Variants in CDC14A observed in about 807,000 individuals in gnomAD.
CDC14A encodes cell division cycle 14A.
CDC14A carries 53 observed loss-of-function variants against 74.4 expected under a neutral mutation model. The ratio of observed to expected loss-of-function variants is 0.71; its 90% confidence interval spans 0.57 to 0.89. The LOEUF is 0.89. Among genes scored for constraint, CDC14A ranks in the 40% least tolerant of loss-of-function variants. CDC14A has a pLI of 0.00. For missense variants in CDC14A, 646 were observed against 713.7 expected (o/e 0.91, Z 1.08); for synonymous variants, 247 against 258.4 (o/e 0.96, Z 0.43).
chr1:100,497,792 G>A (rs1320896030), intron 13 of CDC14A, among the ~76,000 whole-genome samples: 1 of 152,212 alleles, frequency 6.6e-6, no homozygotes, highest in East Asian at 1.9e-4. Flanking sequence ...TGAGTGACTG[G>A]ATGAGGAACT....
At chr1:100,443,502 ATT>A (rs758252074) in intron 7 of CDC14A, among the ~76,000 whole-genome samples, 3 of 142,096 alleles carry the variant, frequency 2.1e-5, no homozygotes, top group Admixed American at 7.1e-5. Flanking sequence ...TGTCTGGCTA[ATT>A]TTTTTTTTTT....
chr1:100,513,142 G>A (rs537596343), intron 15 of CDC14A, among the ~76,000 whole-genome samples: 7 of 152,256 alleles, frequency 4.6e-5, no homozygotes, highest in African/African-American at 1.4e-4. Context: ...TAATTTGTGA[G>A]CAATACAAAA....
At chr1:100,373,153 A>G (rs926012416) in intron 2 of CDC14A, among the ~76,000 whole-genome samples, 1 of 152,160 alleles carries the variant, frequency 6.6e-6, no homozygotes, top group African/African-American at 2.4e-5. Flanking sequence ...TTTAAAGTGA[A>G]CCATGTGTGA....
chr1:100,456,436 C>A lies in CDC14A; in HGVS notation c.607+944C>A, dbSNP rs12065637. 2.7e-3 allele frequency among the ~76,000 whole-genome samples: 411 copies of A among 151,944 alleles called. 5 individuals carry two copies. The highest frequency in any genetic ancestry group is 9.6e-3 in the African/African-American group (397 of 41,388). On this transcript the variant is annotated intron_variant, in intron 8 of 15. Coordinates refer to ENST00000336454, the MANE Select transcript of CDC14A (RefSeq NM_003672.4). ...TATCCATGAACAAAATATCCCCCCC[C>A]CTTTTTTTTTCTATCTGATCATAGA...
At chr1:100,363,966 CA>C (rs1307478804) in intron 2 of CDC14A, among the ~76,000 whole-genome samples, 1 of 151,964 alleles carries the variant, frequency 6.6e-6, no homozygotes, top group Non-Finnish European at 1.5e-5. Context: ...CCTGTCTCTA[CA>C]AAAAATACAA....
chr1:100,362,569 T>C (rs1652909479), intron 2 of CDC14A, among the ~76,000 whole-genome samples: 1 of 152,230 alleles, frequency 6.6e-6, no homozygotes, highest in Admixed American at 6.5e-5. Flanking sequence ...TTGTTTCCTA[T>C]GTCTTGTCAT....
Position 100,508,813 on chromosome 1 carries a change from G to A in CDC14A, c.1756-9438G>A, listed in dbSNP as rs1324626604. On this transcript the variant is annotated intron_variant, in intron 15 of 15. Coordinates refer to ENST00000336454, the MANE Select transcript of CDC14A (RefSeq NM_003672.4). This position sits in a 1 kb window ranked among gnomAD's most constrained non-coding sequence, Gnocchi z 4.4. ...CAGCCACTTCTGCAGGCTTCCAGCTGTGTAGCCAGAGTCCCACCACTGTCT... is the reference window on the plus strand; with the variant it reads ...CAGCCACTTCTGCAGGCTTCCAGCTATGTAGCCAGAGTCCCACCACTGTCT... 1.3e-5 allele frequency among the ~76,000 whole-genome samples: 2 copies of A among 152,218 alleles called. No homozygotes were observed. Among genetic ancestry groups the A allele is most frequent in the Non-Finnish European group, 2.9e-5 (2 of 68,042 alleles).
At chr1:100,390,381 G>A (rs568894555) in intron 3 of CDC14A, among the ~76,000 whole-genome samples, 16 of 152,300 alleles carry the variant, frequency 1.1e-4, no homozygotes, top group Middle Eastern at 3.4e-3. Flanking sequence ...GGAGTGGCAT[G>A]TAGGGGGTAA....
intron 10 of CDC14A, among the ~76,000 whole-genome samples, chr1:100,473,757 A>G (rs192356095): frequency 2.4e-4 from 36 of 152,148 alleles, no homozygotes; most frequent in Non-Finnish European, 4.0e-4. Flanking sequence ...GTGTGTGTGT[A>G]TGTATGTGCA....
chr1:100,375,940 C>T (rs1414929871), intron 2 of CDC14A, among the ~76,000 whole-genome samples: 16 of 151,930 alleles, frequency 1.1e-4, no homozygotes, highest in Non-Finnish European at 1.6e-4. Flanking sequence ...AAATGTGGCA[C>T]GTATACACCA....
chr1:100,393,766 CA>C (rs1658064245), intron 4 of CDC14A: 1 of 314,538 alleles, frequency 3.2e-6, no homozygotes, highest in Non-Finnish European at 6.2e-6. Flanking sequence ...CCATCCTGAC[CA>C]ACATGTCTCT....
chr1:100,483,760 A>T (rs1340690992), intron 10 of CDC14A, among the ~76,000 whole-genome samples: 1 of 152,174 alleles, frequency 6.6e-6, no homozygotes, highest in African/African-American at 2.4e-5. Context: ...CTAATTGAGG[A>T]TATAAGCCTT....
At chr1:100,470,960 C>A in intron 10 of CDC14A, among the ~76,000 whole-genome samples, 1 of 152,168 alleles carries the variant, frequency 6.6e-6, no homozygotes, top group African/African-American at 2.4e-5. Flanking sequence ...CATTTGTCTA[C>A]AAAGACTTGT....
intron 9 of CDC14A, among the ~76,000 whole-genome samples, chr1:100,467,549 A>C (rs1441430730): frequency 6.6e-6 from 1 of 152,080 alleles, no homozygotes; most frequent in Non-Finnish European, 1.5e-5. Flanking sequence ...CCCAGTCCTA[A>C]TGGATTTCTA....
intron 7 of CDC14A, among the ~76,000 whole-genome samples, chr1:100,450,710 T>C (rs1666051619): frequency 6.6e-6 from 1 of 152,220 alleles, no homozygotes; most frequent in Admixed American, 6.5e-5. Context: ...AAGCTCACGT[T>C]GGTTAAGTCT....
intron 4 of CDC14A, among the ~76,000 whole-genome samples, chr1:100,418,445 C>G (rs1042961645): frequency 2.0e-5 from 3 of 152,028 alleles, no homozygotes; most frequent in African/African-American, 7.2e-5. Context: ...GGTGAGGAGT[C>G]CAGGCTAGCG....
In CDC14A at chr1:100,455,506, T is replaced by G. The variant is rs746471589; in HGVS notation, c.607+14T>G. On this transcript the variant is annotated intron_variant, in intron 8 of 15. Transcript: ENST00000336454. Reference sequence around the variant, plus strand: ...AAATTGAGAATGGTAGGTTTTTTTTTCCTTTACCATCCAAACATTTATTTT... The same window carrying G: ...AAATTGAGAATGGTAGGTTTTTTTTGCCTTTACCATCCAAACATTTATTTT... 12 of 1,358,684 alleles carry G rather than the reference T, an allele frequency of 8.8e-6. No individual in the cohort carries two copies. In the Middle Eastern group the frequency reaches 5.5e-4, roughly 62 times the overall value. 84.2% of individuals were successfully genotyped at this position (1,358,684 alleles called of 1,614,324 possible). A position where few individuals can be genotyped will look rare whatever the true frequency, so the allele number is the denominator to read the frequency against.
intron 2 of CDC14A, among the ~76,000 whole-genome samples, chr1:100,371,030 T>C (rs1004708547): frequency 5.9e-5 from 9 of 152,224 alleles, no homozygotes; most frequent in Admixed American, 2.0e-4. Flanking sequence ...GTTGGTTAGA[T>C]GTATTCCTAG....
intron 4 of CDC14A, among the ~76,000 whole-genome samples, chr1:100,408,783 G>A (rs2101031436): frequency 6.6e-6 from 1 of 152,188 alleles, no homozygotes; most frequent in South Asian, 2.1e-4. Context: ...GTGATATATA[G>A]TGATCAGAAC....
Sources: allele counts gnomAD v4.1 joint callset (sites outside exome capture counted in the v4.1 genomes callset), GRCh38; gene constraint gnomAD v4.1.1; non-coding constraint Gnocchi (gnomAD v3.1); transcripts MANE v1.5; gene names NCBI Gene and HGNC (gene_info 2026-07-23, HGNC 2026-07-21).